FHIT: variants seen among roughly 807,000 people sequenced by gnomAD.
FHIT encodes fragile histidine triad diadenosine triphosphatase.
A neutral mutation model predicts 17.9 loss-of-function variants in FHIT; 19 were observed. That is an observed-to-expected ratio of 1.06 (90% CI 0.74 to 1.56). The LOEUF (loss-of-function observed/expected upper bound fraction) is 1.56, where lower values mean the gene tolerates loss of function less well. FHIT is among the 40% of genes most tolerant of loss of function. The pLI, the probability that FHIT is intolerant of heterozygous loss-of-function variation, is 0.00. For missense variants in FHIT, 248 were observed against 189.2 expected, an observed-to-expected ratio of 1.31 and a Z score of -1.82; for synonymous variants, 81 against 69.7, an observed-to-expected ratio of 1.16 and a Z score of -0.81.
chr3:60,258,371 A>T (rs1435528374), intron 5 of FHIT, among the ~76,000 whole-genome samples: 1 of 152,024 alleles, frequency 6.6e-6, no homozygotes, highest in Admixed American at 6.6e-5. Flanking sequence ...GGCCTCTCTA[A>T]AACTCCAGGC....
At chr3:61,223,528 T>C (rs1019047263) in intron 1 of FHIT, among the ~76,000 whole-genome samples, 1 of 152,206 alleles carries the variant, frequency 6.6e-6, no homozygotes, top group Admixed American at 6.5e-5. Flanking sequence ...GACATTTTCT[T>C]TGGGGTACTG....
chr3:61,136,524 T>C (rs12492454), intron 2 of FHIT, among the ~76,000 whole-genome samples: 14,762 of 151,746 alleles, frequency 0.097, 785 homozygotes, highest in South Asian at 0.19. Flanking sequence ...GTACTTACAA[T>C]GGGGGTTGGA....
At chr3:59,946,224 T>C (rs1431967587) in intron 7 of FHIT, among the ~76,000 whole-genome samples, 1 of 152,190 alleles carries the variant, frequency 6.6e-6, no homozygotes, top group Non-Finnish European at 1.5e-5. Context: ...ATTCTCAATG[T>C]AAAGATCTTT....
At chr3:60,332,389 A>G (rs1294081982) in intron 5 of FHIT, among the ~76,000 whole-genome samples, 2 of 152,228 alleles carry the variant, frequency 1.3e-5, no homozygotes, top group South Asian at 2.1e-4. Flanking sequence ...CTCAGACACT[A>G]GAGTATCTAC....
At chr3:60,765,439 G>A (rs1553721148) in intron 4 of FHIT, 1 of 152,080 alleles carries the variant, frequency 6.6e-6, no homozygotes. Context: ...AATGATTAGG[G>A]GCCCACGAGT....
chr3:60,372,317 C>G (rs528506268), intron 5 of FHIT, among the ~76,000 whole-genome samples: 1 of 152,186 alleles, frequency 6.6e-6, no homozygotes, highest in Non-Finnish European at 1.5e-5. Context: ...TTCACCACCA[C>G]CCTCTTTTCT....
At chr3:60,305,132 T>TC in intron 5 of FHIT, among the ~76,000 whole-genome samples, 1 of 142,002 alleles carries the variant, frequency 7.0e-6, no homozygotes, top group South Asian at 2.3e-4. Context: ...CTTTTTGTTC[T>TC]TTTTTTTTAA....
chr3:59,982,522 G>T (rs1708699229), intron 7 of FHIT, among the ~76,000 whole-genome samples: 1 of 152,042 alleles, frequency 6.6e-6, no homozygotes, highest in African/African-American at 2.4e-5. Context: ...TCACTTTTTG[G>T]CCTTCCAGCT....
intron 4 of FHIT, among the ~76,000 whole-genome samples, chr3:60,669,439 C>A (rs2040461822): frequency 6.6e-6 from 1 of 152,162 alleles, no homozygotes; most frequent in East Asian, 1.9e-4. Context: ...TGACAGATTT[C>A]CCCACCATTA....
chr3:60,700,497 A>G (rs1489132286), intron 4 of FHIT, among the ~76,000 whole-genome samples: 1 of 152,164 alleles, frequency 6.6e-6, no homozygotes, highest in African/African-American at 2.4e-5. Flanking sequence ...ATATTCAACA[A>G]TCTCACTATT....
chr3:60,793,566 G>A (rs1401962596), intron 4 of FHIT, among the ~76,000 whole-genome samples: 1 of 152,202 alleles, frequency 6.6e-6, no homozygotes, highest in Non-Finnish European at 1.5e-5. Context: ...GCCTCCCAAA[G>A]TGCTGGGATT....
intron 1 of FHIT, among the ~76,000 whole-genome samples, chr3:61,206,989 A>T (rs1415795277): frequency 3.9e-5 from 6 of 152,066 alleles, no homozygotes; most frequent in African/African-American, 9.7e-5. Flanking sequence ...TTGAGATATG[A>T]CCCATCAATA....
At chr3:61,047,987 A>C (rs552627346) in intron 2 of FHIT, among the ~76,000 whole-genome samples, 136 of 151,400 alleles carry the variant, frequency 9.0e-4, no homozygotes, top group Middle Eastern at 3.4e-3. Flanking sequence ...AGATGGATTA[A>C]AGACTTAAAT....
At chr3:60,162,340 C>T (rs548229620) in intron 5 of FHIT, among the ~76,000 whole-genome samples, 2 of 152,254 alleles carry the variant, frequency 1.3e-5, no homozygotes, top group East Asian at 3.9e-4. Context: ...CTATTTAAGT[C>T]CTTTATTACA....
chr3:59,812,280 T>C (rs1190966150), intron 8 of FHIT, among the ~76,000 whole-genome samples: 1 of 152,118 alleles, frequency 6.6e-6, no homozygotes, highest in Non-Finnish European at 1.5e-5. Context: ...CCTCCTTGTC[T>C]TTGAGGAAGA....
intron 7 of FHIT, among the ~76,000 whole-genome samples, chr3:59,992,312 G>T (rs576384004): frequency 6.6e-6 from 1 of 151,962 alleles, no homozygotes; most frequent in African/African-American, 2.4e-5. Flanking sequence ...TTTTCCTGGC[G>T]TAGTACATTT....
chr3:60,081,838 C>T (rs1163509678), intron 5 of FHIT, among the ~76,000 whole-genome samples: 1 of 151,970 alleles, frequency 6.6e-6, no homozygotes, highest in Non-Finnish European at 1.5e-5. Context: ...GTTTCTTTTT[C>T]AGTTACTTGA....
At chr3:60,345,340 T>C (rs1012778875) in intron 5 of FHIT, among the ~76,000 whole-genome samples, 13 of 152,200 alleles carry the variant, frequency 8.5e-5, no homozygotes, top group Non-Finnish European at 1.3e-4. Context: ...ACTACTGACC[T>C]TCCTGGTCTA....
chr3:59,930,724 A>G (rs1705929305), intron 7 of FHIT, among the ~76,000 whole-genome samples: 1 of 152,308 alleles, frequency 6.6e-6, no homozygotes, highest in African/African-American at 2.4e-5. Context: ...AGAATTAGGA[A>G]ACGTTGGGGG....
Sources: allele counts gnomAD v4.1 joint callset (sites outside exome capture counted in the v4.1 genomes callset), GRCh38; gene constraint gnomAD v4.1.1; transcripts MANE v1.5; gene names NCBI Gene and HGNC (gene_info 2026-07-23, HGNC 2026-07-21).